BCL2L11: variants seen among roughly 807,000 people sequenced by gnomAD.
The protein encoded by BCL2L11 is BCL2 like 11.
BCL2L11 carries 15 observed loss-of-function variants against 20.6 expected under a neutral mutation model. The observed-to-expected ratio is 0.73, with a 90% CI of 0.49 to 1.12. The LOEUF is 1.12. Among genes scored for constraint, BCL2L11 ranks in the 50% most tolerant of loss-of-function variants. The pLI, the probability that BCL2L11 is intolerant of heterozygous loss-of-function variation, is 0.00. For missense variants in BCL2L11, 292 were observed against 260.9 expected, an observed-to-expected ratio of 1.12 and a Z score of -0.82; for synonymous variants, 108 against 92.8, an observed-to-expected ratio of 1.16 and a Z score of -0.94.
At chr2:111,122,548 C>G (rs886785382) in intron 1 of BCL2L11, 10 of 940,770 alleles carry the variant, frequency 1.1e-5, no homozygotes, top group Non-Finnish European at 1.3e-5. Context: ...CGACCGCGCG[C>G]GGACCAATTG....
At chr2:111,147,926 C>T (rs2076778282) in intron 2 of BCL2L11, among the ~76,000 whole-genome samples, 1 of 152,174 alleles carries the variant, frequency 6.6e-6, no homozygotes, top group African/African-American at 2.4e-5. Context: ...GCATGGCCTC[C>T]TTTGTTGCTA....
Position 111,165,476 on chromosome 2 carries a change from G to T in BCL2L11, c.*1245G>T, listed in dbSNP as rs2078976912. On this transcript the variant is annotated 3_prime_UTR_variant, in exon 4 of 4. Coordinates refer to ENST00000393256, the MANE Select transcript of BCL2L11 (RefSeq NM_138621.5). ...AACAGGCCTCATCCCACTTCCACCA[G>T]CACCATAGAAGAATAATTCTGGGCA... The T allele has an allele frequency of 6.6e-6, 1 of 152,242 alleles. No homozygotes were observed. Among genetic ancestry groups the T allele is most frequent in the South Asian group, 2.1e-4 (1 of 4,830 alleles). The allele number at this position is 152,242 out of a possible 1,614,324, so 9.4% of individuals were successfully genotyped here. A position where few individuals can be genotyped will look rare whatever the true frequency, so the allele number is the denominator to read the frequency against.
intron 2 of BCL2L11, among the ~76,000 whole-genome samples, chr2:111,128,126 C>A (rs190383578): frequency 9.8e-4 from 149 of 152,170 alleles, no homozygotes; most frequent in African/African-American, 2.9e-3. Flanking sequence ...CTTCTGACAA[C>A]CACCATTCTA....
chr2:111,142,363 TG>T (rs1286891224), intron 2 of BCL2L11: 1 of 1,550,596 alleles, frequency 6.4e-7, no homozygotes. Context: ...GGAAGTTCAG[TG>T]GCCACTCAAG....
At chr2:111,145,928 T>C (rs1349514725) in intron 2 of BCL2L11, 3 of 935,562 alleles carry the variant, frequency 3.2e-6, no homozygotes, top group African/African-American at 1.8e-5. Context: ...TTCTTTTTTT[T>C]TTTTTTTTTT....
rs2078966821 is a variant in BCL2L11, at chr2:111,165,203, C to A, written c.*972C>A. 1 of 152,234 alleles carries A rather than the reference C, an allele frequency of 6.6e-6. No individual in the cohort carries two copies. 9.4% of individuals were successfully genotyped at this position (152,234 alleles called of 1,614,324 possible). A position where few individuals can be genotyped will look rare whatever the true frequency, so the allele number is the denominator to read the frequency against. On this transcript the variant is annotated 3_prime_UTR_variant, in exon 4 of 4. Coordinates refer to ENST00000393256, the MANE Select transcript of BCL2L11 (RefSeq NM_138621.5). The stretch of plus-strand genomic sequence containing the variant: ...GCAGTAATAACAACAGACTTAAGTG[C>A]TACGCCCCTTTGTGCTGCTGGCTTT...
rs2078919825 is a variant in BCL2L11 at position 111,164,273 on chromosome 2, T to C, written c.*42T>C. 8 of 1,466,768 alleles carry C rather than the reference T, an allele frequency of 5.5e-6. No individual in the cohort carries two copies. The highest frequency in any genetic ancestry group is 7.6e-6 in the Non-Finnish European group (8 of 1,045,928). The allele number at this position is 1,466,768 out of a possible 1,614,324, so 90.9% of individuals were successfully genotyped here. A position where few individuals can be genotyped will look rare whatever the true frequency, so the allele number is the denominator to read the frequency against. ...CCGAGATACCATGCAGACATTTTGC[T>C]TGTTCAAACCAACAAGACCCAGCAC... On this transcript the variant is annotated 3_prime_UTR_variant, in exon 4 of 4. Coordinates refer to ENST00000393256, the MANE Select transcript of BCL2L11 (RefSeq NM_138621.5).
At position 111,123,945 on chromosome 2, in the gene BCL2L11, C is replaced by T. The variant is rs777425286; in HGVS notation, c.200C>T (p.Pro67Leu). The T allele has an allele frequency of 6.2e-7, 1 of 1,614,202 alleles. No homozygotes were observed. The highest frequency in any genetic ancestry group is 2.2e-5 in the East Asian group (1 of 44,880). ...AGCCCTCAGGGCCCGCTGGCCCCAC[C>T]TGCCAGCCCTGGCCCTTTTGCTACC... ...HGSPQGPLAP[P>L]ASPGPFATRS... Residue 67 changes from proline (P) to leucine (L), a missense_variant, in exon 2 of 4, where the codon CCT (proline) becomes CTT (leucine). Pro to Leu is a moderately conservative substitution (Grantham distance 98). Coordinates refer to ENST00000393256, the MANE Select transcript of BCL2L11 (RefSeq NM_138621.5).
At chr2:111,158,417 C>T (rs2078149140) in intron 3 of BCL2L11, among the ~76,000 whole-genome samples, 1 of 152,110 alleles carries the variant, frequency 6.6e-6, no homozygotes, top group Admixed American at 6.5e-5. Flanking sequence ...TCTTCTGCAG[C>T]CTGTGGGGAT....
At chr2:111,126,316 A>G (rs971082411) in intron 2 of BCL2L11, among the ~76,000 whole-genome samples, 1 of 152,184 alleles carries the variant, frequency 6.6e-6, no homozygotes, top group Non-Finnish European at 1.5e-5. Flanking sequence ...CATAATCTAA[A>G]TAATTATGCA....
intron 2 of BCL2L11, among the ~76,000 whole-genome samples, chr2:111,130,722 A>G (rs769270487): frequency 6.6e-6 from 1 of 152,238 alleles, no homozygotes; most frequent in East Asian, 1.9e-4. Context: ...TAATCATTAA[A>G]TATGATGCTA....
In BCL2L11 at chr2:111,120,979, TGCCGCCGCC is replaced by T. The variant is rs5833391; in HGVS notation, c.-189_-181del. 4,351 of 335,800 alleles carry T rather than the reference TGCCGCCGCC, an allele frequency of 0.013. 253 individuals are homozygous for T. Among genetic ancestry groups the T allele is most frequent in the African/African-American group, 0.079 (3,379 of 42,866 alleles). The allele number at this position is 335,800 out of a possible 1,614,324, so 20.8% of individuals were successfully genotyped here. ...GCTCTGCGTCCAGCGCCGCTGCCGC[TGCCGCCGCC>T]GCCGCCGCCGCCGCCGCCGCCGCCG... On this transcript the variant is annotated 5_prime_UTR_variant, in exon 1 of 4. Coordinates refer to ENST00000393256, the MANE Select transcript of BCL2L11 (RefSeq NM_138621.5).
chr2:111,143,535 C>G (rs1233554500), intron 2 of BCL2L11, among the ~76,000 whole-genome samples: 7 of 152,202 alleles, frequency 4.6e-5, no homozygotes, highest in African/African-American at 1.7e-4. Context: ...GGGAACATTT[C>G]AATTCCCTAC....
intron 3 of BCL2L11, among the ~76,000 whole-genome samples, chr2:111,163,612 C>G (rs1207637688): frequency 1.3e-5 from 2 of 152,102 alleles, no homozygotes; most frequent in Non-Finnish European, 2.9e-5. Flanking sequence ...GTGTCTGTGA[C>G]CATGGGCACC....
intron 3 of BCL2L11, among the ~76,000 whole-genome samples, chr2:111,162,123 G>C (rs11686855): frequency 6.6e-6 from 1 of 152,104 alleles, no homozygotes; most frequent in African/African-American, 2.4e-5. Flanking sequence ...TTTGCAATAC[G>C]GGCATACACT....
rs1036935058 is a variant in BCL2L11, at chr2:111,164,539, T to C, written c.*308T>C. The C allele has an allele frequency of 6.5e-5, 15 of 230,232 alleles. No individual in the cohort carries two copies. The highest frequency in any genetic ancestry group is 1.2e-4 in the Non-Finnish European group (14 of 117,884). 14.3% of individuals were successfully genotyped at this position (230,232 alleles called of 1,614,324 possible). A position where few individuals can be genotyped will look rare whatever the true frequency, so the allele number is the denominator to read the frequency against. ...AATGGTGTTTACATGCAGTGTGTTTTCCCCCTCACCTTCAATAAGGTTTTT... is the reference window on the plus strand; with the variant it reads ...AATGGTGTTTACATGCAGTGTGTTTCCCCCCTCACCTTCAATAAGGTTTTT... On this transcript the variant is annotated 3_prime_UTR_variant, in exon 4 of 4. Transcript: ENST00000393256.
intron 2 of BCL2L11, among the ~76,000 whole-genome samples, chr2:111,145,471 G>C (rs1022830736): frequency 3.3e-5 from 5 of 152,040 alleles, no homozygotes; most frequent in Admixed American, 3.3e-4. Flanking sequence ...CTGATACTGA[G>C]CTCATTATAG....
intron 3 of BCL2L11, among the ~76,000 whole-genome samples, chr2:111,157,775 AG>A (rs1168617615): frequency 1.3e-5 from 2 of 152,216 alleles, no homozygotes; most frequent in East Asian, 3.9e-4. Context: ...ATAGGATAAA[AG>A]TTTGGTTTAT....
At chr2:111,135,711 C>T (rs1214966818) in intron 2 of BCL2L11, among the ~76,000 whole-genome samples, 1 of 152,128 alleles carries the variant, frequency 6.6e-6, no homozygotes, top group African/African-American at 2.4e-5. Flanking sequence ...GCTGGGAGAG[C>T]CGATGGGCCC....
Sources: gnomAD v4.1 joint callset for allele counts (sites outside exome capture counted in the v4.1 genomes callset) on GRCh38, gnomAD v4.1.1 for gene constraint, MANE v1.5 for transcripts, NCBI Gene and HGNC (gene_info 2026-07-23, HGNC 2026-07-21) for gene names.